Variants in INTS10 observed in about 807,000 individuals in gnomAD.
The protein encoded by INTS10 is chromosome 8 open reading frame 35.
In INTS10, 44 loss-of-function variants were observed where a neutral mutation model predicts 94.4. That is an observed-to-expected ratio of 0.47 (90% confidence interval 0.37 to 0.60). INTS10 has a LOEUF of 0.60. INTS10 is among the 20% of genes least tolerant of loss of function. The probability of loss-of-function intolerance (pLI) is 0.00; values close to 1 mark genes in which losing one functional copy is unlikely to be tolerated. For synonymous variants in INTS10, 341 were observed against 320.7 expected, an observed-to-expected ratio of 1.06 and a Z score of -0.68; for missense variants, 797 against 868.7, an observed-to-expected ratio of 0.92 and a Z score of 1.04.
At chr8:19,834,006 C>CA (rs11428734) in intron 12 of INTS10, among the ~76,000 whole-genome samples, 37,062 of 110,106 alleles carry the variant, frequency 0.34, 4,956 homozygotes, top group Middle Eastern at 0.58. Context: ...GACTCTGTCT[C>CA]AAAAAAAAAA....
chr8:19,845,550 A>C, intron 15 of INTS10, 154 bp from the exon 16 acceptor site: 1 of 620,166 alleles, frequency 1.6e-6, no homozygotes, highest in East Asian at 2.8e-5. Flanking sequence ...CAAGTTACTC[A>C]ACTGCCAAGA....
intron 9 of INTS10, among the ~76,000 whole-genome samples, chr8:19,830,082 T>C (rs1203236757): frequency 1.3e-5 from 2 of 152,216 alleles, no homozygotes; most frequent in Non-Finnish European, 2.9e-5. Flanking sequence ...AAGCTGTGTC[T>C]CTCAATGTAA....
At chr8:19,818,443 A>G in intron 2 of INTS10, 101 bp downstream of exon 2, 1 of 1,212,316 alleles carries the variant, frequency 8.2e-7, no homozygotes, top group South Asian at 1.2e-5. Flanking sequence ...CTTCAAGTTC[A>G]TCTATATCTT....
chr8:19,840,005 T>G (rs894191518), intron 13 of INTS10, among the ~76,000 whole-genome samples: 27 of 140,544 alleles, frequency 1.9e-4, no homozygotes, highest in Admixed American at 6.2e-4. Flanking sequence ...GGAGGTTTCA[T>G]TGAGCCAAGA....
Position 19,849,363 on chromosome 8 carries a change from C to T in INTS10, c.1977-2286C>T, listed in dbSNP as rs759266381. 4.1e-5 allele frequency: 14 copies of T among 343,336 alleles called. No homozygotes were observed. Among genetic ancestry groups the T allele is most frequent in the East Asian group, 1.9e-4 (2 of 10,632 alleles). 21.3% of individuals were successfully genotyped at this position (343,336 alleles called of 1,614,324 possible). On this transcript the variant is annotated intron_variant, in intron 16 of 16. Transcript: ENST00000397977. This position sits in a 1 kb window ranked among gnomAD's most constrained non-coding sequence, Gnocchi z 4.6. Reference sequence around the variant, plus strand: ...GCTTTCTTTCTTTTTTAATTTGTTCCGCATTTTGGCAAACCATCTGGTTGT... The same window carrying T: ...GCTTTCTTTCTTTTTTAATTTGTTCTGCATTTTGGCAAACCATCTGGTTGT...
In INTS10 at chr8:19,851,865, G is replaced by A; in HGVS notation, c.*60G>A. 1 of 1,456,080 alleles carries A rather than the reference G, an allele frequency of 6.9e-7. No homozygotes were observed. Among genetic ancestry groups the A allele is most frequent in the Non-Finnish European group, 9.6e-7 (1 of 1,041,078 alleles). The allele number at this position is 1,456,080 out of a possible 1,614,324, so 90.2% of individuals were successfully genotyped here. ...GTGTAATTGTAGGAGAAGACACTCA[G>A]CAGTGATTGCCATGGCACAGAGCCG... is the stretch of plus-strand genomic sequence containing the variant. On this transcript the variant is annotated 3_prime_UTR_variant, in exon 17 of 17. Coordinates refer to ENST00000397977, the MANE Select transcript of INTS10 (RefSeq NM_018142.4). The surrounding 1 kb of genome is among the most constrained non-coding windows in gnomAD (Gnocchi z 5.0).
Position 19,851,954 on chromosome 8 carries a change from G to C in INTS10, c.*149G>C. 2 of 562,084 alleles carry C rather than the reference G, an allele frequency of 3.6e-6. No individual in the cohort carries two copies. Among genetic ancestry groups the C allele is most frequent in the Admixed American group, 3.3e-5 (1 of 30,566 alleles). 34.8% of individuals were successfully genotyped at this position (562,084 alleles called of 1,614,324 possible). ...GTTCTAACTCCTTGGTTGCTTAAAA[G>C]TAGTTCCCAAGAGTCTGAGAAGCTA... On this transcript the variant is annotated 3_prime_UTR_variant, in exon 17 of 17. Coordinates refer to ENST00000397977, the MANE Select transcript of INTS10 (RefSeq NM_018142.4). The surrounding 1 kb of genome is among the most constrained non-coding windows in gnomAD (Gnocchi z 5.0).
At chr8:19,828,710 G>C (rs1359654924) in intron 9 of INTS10, among the ~76,000 whole-genome samples, 2 of 150,438 alleles carry the variant, frequency 1.3e-5, no homozygotes, top group East Asian at 2.0e-4. Flanking sequence ...GTACCTGGCA[G>C]ATACGGTTGT....
At chr8:19,825,026 G>A in intron 8 of INTS10, 54 bp downstream of exon 8, 2 of 1,455,824 alleles carry the variant, frequency 1.4e-6, no homozygotes, top group Non-Finnish European at 9.6e-7. Flanking sequence ...TGTGGGGATG[G>A]TAAGGAAAAT....
chr8:19,825,080 CA>C, intron 8 of INTS10, 108 bp downstream of exon 8: 1 of 932,806 alleles, frequency 1.1e-6, no homozygotes, highest in South Asian at 1.5e-5. Flanking sequence ...AACTGTGGGG[CA>C]GTACCAGTCC....
chr8:19,830,689 G>C, intron 10 of INTS10, 130 bp downstream of exon 10: 3 of 870,148 alleles, frequency 3.4e-6, no homozygotes, highest in South Asian at 3.4e-5. Flanking sequence ...TTCTTGTTTT[G>C]AGACGGAGTC....
intron 13 of INTS10, among the ~76,000 whole-genome samples, chr8:19,842,244 G>A (rs1198255429): frequency 1.3e-5 from 2 of 152,216 alleles, no homozygotes; most frequent in Non-Finnish European, 2.9e-5. Context: ...AGAGCTATGT[G>A]TATTGATATT....
intron 4 of INTS10, among the ~76,000 whole-genome samples, 172 bp downstream of exon 4, chr8:19,820,690 A>G (rs1383848825): frequency 6.6e-6 from 1 of 152,200 alleles, no homozygotes; most frequent in African/African-American, 2.4e-5. Context: ...TTTTCACCAT[A>G]TTTTGTAAGT....
chr8:19,821,996 T>C (rs2066416488), intron 4 of INTS10: 1 of 155,068 alleles, frequency 6.4e-6, no homozygotes, highest in Non-Finnish European at 1.4e-5. Flanking sequence ...CACCAGACTG[T>C]ATGACTGGCT....
intron 8 of INTS10, 93 bp from the exon 9 acceptor site, chr8:19,826,333 C>A: frequency 7.6e-7 from 1 of 1,313,120 alleles, no homozygotes; most frequent in South Asian, 1.5e-5. Context: ...CCTCCTGCCT[C>A]AGCCTCCCAA....
rs1473725212 is a variant in INTS10, at chr8:19,818,308, C to G, written c.163C>G (p.Arg55Gly). ...GTACACCATCGAGCGGAATGCAGAG[C>G]GGACCGCCACCGCCGGGAGGCTGCT... ...EMYTIERNAE[R>G]TATAGRLLYD... Residue 55 changes from arginine to glycine, a missense_variant, in exon 2 of 17, where the codon CGG becomes GGG. Physicochemically the swap from Arg to Gly is moderately radical, Grantham distance 125. Transcript: ENST00000397977. 5 of 1,614,156 alleles carry G rather than the reference C, an allele frequency of 3.1e-6. No homozygotes were observed. The highest frequency in any genetic ancestry group is 4.2e-6 in the Non-Finnish European group (5 of 1,180,038).
intron 11 of INTS10, among the ~76,000 whole-genome samples, chr8:19,832,619 T>G (rs11994107): frequency 0.086 from 13,059 of 152,204 alleles, 630 homozygotes; most frequent in African/African-American, 0.12. Flanking sequence ...ACCTTCTGTG[T>G]TACTTTTGGT....
intron 9 of INTS10, among the ~76,000 whole-genome samples, chr8:19,827,431 G>T (rs1453269642): frequency 6.6e-6 from 1 of 151,976 alleles, no homozygotes; most frequent in Non-Finnish European, 1.5e-5. Flanking sequence ...GTTTTTTCTT[G>T]TTTATTCACT....
chr8:19,850,745 CCCTT>C (rs371103905), intron 16 of INTS10, among the ~76,000 whole-genome samples: 2 of 152,136 alleles, frequency 1.3e-5, no homozygotes, highest in African/African-American at 4.8e-5. Flanking sequence ...AGGTAAAACT[CCCTT>C]CCTCTTAACT....
Sources: allele counts gnomAD v4.1 joint callset (sites outside exome capture counted in the v4.1 genomes callset), GRCh38; gene constraint gnomAD v4.1.1; non-coding constraint Gnocchi (gnomAD v3.1); transcripts MANE v1.5; gene names NCBI Gene and HGNC (gene_info 2026-07-23, HGNC 2026-07-21).